Variants in BICRA observed in about 807,000 individuals in gnomAD.
The protein encoded by BICRA is BRD4 interacting chromatin remodeling complex associated protein.
In BICRA, 31 loss-of-function variants were observed where a neutral mutation model predicts 96.9. The ratio of observed to expected loss-of-function variants is 0.32; its 90% CI spans 0.24 to 0.43. BICRA has a LOEUF of 0.43. BICRA is among the 20% of genes least tolerant of loss of function. BICRA has a pLI of 1.00. For missense variants in BICRA, 2,283 were observed against 2,190.3 expected (o/e 1.04, Z -0.84); for synonymous variants, 1,350 against 1,071.8 (o/e 1.26, Z -5.07).
rs3074111 is a variant in BICRA at position 47,702,972 on chromosome 19, CTGTG to C, written c.*572_*575del. 2.3e-4 allele frequency: 35 copies of C among 154,462 alleles called. No homozygotes were observed. The highest frequency in any genetic ancestry group is 4.0e-4 in the Non-Finnish European group (28 of 69,894). The allele number at this position is 154,462 out of a possible 1,614,324, so 9.6% of individuals were successfully genotyped here. ...ACATCCGCACGTCCAGCTCCGTGAC[CTGTG>C]TGTGTGTGTGTGTGCACAAGTGAGT... is the stretch of plus-strand genomic sequence containing the variant. On this transcript the variant is annotated 3_prime_UTR_variant, in exon 15 of 15. Coordinates refer to ENST00000594866, the MANE Select transcript of BICRA (RefSeq NM_001394372.1).
intron 1 of BICRA, among the ~76,000 whole-genome samples, chr19:47,648,922 G>A (rs568767865): frequency 4.6e-5 from 7 of 151,544 alleles, no homozygotes; most frequent in African/African-American, 1.7e-4. Context: ...CACGATCTTG[G>A]CTCACTGCAA....
intron 1 of BICRA, among the ~76,000 whole-genome samples, chr19:47,661,213 CAAAAA>C (rs58327756): frequency 9.2e-5 from 7 of 76,490 alleles, no homozygotes; most frequent in Admixed American, 4.7e-4. Flanking sequence ...GACTCCGTCT[CAAAAA>C]AAAAAAAAAA....
chr19:47,617,308 C>CT (rs1008328213), intron 1 of BICRA, among the ~76,000 whole-genome samples: 56 of 150,684 alleles, frequency 3.7e-4, no homozygotes, highest in Non-Finnish European at 4.4e-4. Context: ...TTTCTTTTTT[C>CT]TTTTTTTTTG....
chr19:47,631,344 C>T (rs190630938), intron 1 of BICRA, among the ~76,000 whole-genome samples: 1 of 152,340 alleles, frequency 6.6e-6, no homozygotes, highest in Admixed American at 6.5e-5. Context: ...GCTCCTGCCT[C>T]AGCCTTCTCA....
chr19:47,617,488 C>T (rs1037406588), intron 1 of BICRA, among the ~76,000 whole-genome samples: 5 of 151,900 alleles, frequency 3.3e-5, no homozygotes, highest in African/African-American at 9.7e-5. Context: ...CTCAGTCTCC[C>T]GAGTAGCTGG....
intron 1 of BICRA, among the ~76,000 whole-genome samples, chr19:47,638,934 C>T (rs1283310977): frequency 6.6e-6 from 1 of 152,090 alleles, no homozygotes; most frequent in East Asian, 1.9e-4. Flanking sequence ...GTATTATAGG[C>T]TGGAGCCACC....
chr19:47,622,186 G>A (rs1450872881), intron 1 of BICRA, among the ~76,000 whole-genome samples: 4 of 151,138 alleles, frequency 2.6e-5, no homozygotes, highest in African/African-American at 7.3e-5. Flanking sequence ...GGCTGGTCTC[G>A]AACTCCTCAC....
intron 1 of BICRA, among the ~76,000 whole-genome samples, chr19:47,618,285 A>G (rs953141701): frequency 1.3e-5 from 2 of 152,156 alleles, no homozygotes; most frequent in East Asian, 1.9e-4. Context: ...TGTGTGGGTT[A>G]AAGTCCTGTT....
chr19:47,616,448 C>G (rs968323298), intron 1 of BICRA, among the ~76,000 whole-genome samples: 2 of 152,072 alleles, frequency 1.3e-5, no homozygotes, highest in Admixed American at 1.3e-4. Flanking sequence ...ACCAGCCTGG[C>G]CAACATGGTG....
intron 7 of BICRA, among the ~76,000 whole-genome samples, chr19:47,692,200 G>A (rs1198457848): frequency 6.6e-6 from 1 of 151,922 alleles, no homozygotes; most frequent in South Asian, 2.1e-4. Flanking sequence ...TGCTCCCAAA[G>A]TGGGCAACCC....
intron 1 of BICRA, among the ~76,000 whole-genome samples, chr19:47,634,635 G>A (rs184588423): frequency 6.6e-6 from 1 of 151,926 alleles, no homozygotes; most frequent in East Asian, 1.9e-4. Flanking sequence ...AACAAACAAA[G>A]CCTGCTTCTC....
Position 47,643,833 on chromosome 19 carries a change from C to T in BICRA, c.-107-26610C>T, listed in dbSNP as rs571490525. Among the ~76,000 whole-genome samples, 3 of 152,146 alleles carry T rather than the reference C, an allele frequency of 2.0e-5. 1 individual carries two copies. Among genetic ancestry groups the T allele is most frequent in the Admixed American group, 2.0e-4 (3 of 15,276 alleles). On this transcript the variant is annotated intron_variant, in intron 1 of 14. Transcript: ENST00000594866. Reference sequence around the variant, plus strand: ...GCCCCACCAGAACCCAGGCTGGCTGCGAGACTACCACATGCGTGTTCAGCT... The same window carrying T: ...GCCCCACCAGAACCCAGGCTGGCTGTGAGACTACCACATGCGTGTTCAGCT...
chr19:47,608,627 T>C (rs1971844258), upstream of BICRA, among the ~76,000 whole-genome samples: 1 of 151,658 alleles, frequency 6.6e-6, no homozygotes, highest in Non-Finnish European at 1.5e-5. Flanking sequence ...GTCGACAAAC[T>C]ACACCCGAGC....
At chr19:47,627,086 G>A (rs905862654) in intron 1 of BICRA, among the ~76,000 whole-genome samples, 6 of 152,126 alleles carry the variant, frequency 3.9e-5, no homozygotes, top group Non-Finnish European at 8.8e-5. Flanking sequence ...ACCACAGCTG[G>A]GAAGCTCCTT....
intron 1 of BICRA, among the ~76,000 whole-genome samples, chr19:47,656,806 C>A (rs766379211): frequency 6.6e-6 from 1 of 152,032 alleles, no homozygotes; most frequent in African/African-American, 2.4e-5. Context: ...TCCCTTGAAG[C>A]GGCCACACGT....
At chr19:47,656,110 A>ACACACT (rs1491486939) in intron 1 of BICRA, among the ~76,000 whole-genome samples, 1 of 123,242 alleles carries the variant, frequency 8.1e-6, no homozygotes, top group Non-Finnish European at 1.7e-5. Context: ...ACACACACAC[A>ACACACT]CTCTGAATAA....
intron 1 of BICRA, among the ~76,000 whole-genome samples, chr19:47,655,194 T>C (rs1446965908): frequency 6.6e-6 from 1 of 152,088 alleles, no homozygotes; most frequent in Admixed American, 6.6e-5. Flanking sequence ...GTGCCATGTT[T>C]TCTATATTTT....
At chr19:47,697,733 C>T (rs866008893) in intron 11 of BICRA, among the ~76,000 whole-genome samples, 2 of 152,194 alleles carry the variant, frequency 1.3e-5, no homozygotes, top group African/African-American at 2.4e-5. Context: ...CCATCTCAGC[C>T]TCCCAAAGTG....
intron 1 of BICRA, among the ~76,000 whole-genome samples, chr19:47,622,981 G>A (rs1972087585): frequency 6.6e-6 from 1 of 151,420 alleles, no homozygotes; most frequent in Admixed American, 6.6e-5. Context: ...AGGTTGCAAT[G>A]AGCCGAGATA....
Sources: allele counts gnomAD v4.1 joint callset (sites outside exome capture counted in the v4.1 genomes callset), GRCh38; gene constraint gnomAD v4.1.1; transcripts MANE v1.5; gene names NCBI Gene and HGNC (gene_info 2026-07-23, HGNC 2026-07-21).